The following PIP5K1B variants were observed in gnomAD, a reference collection of about 807,000 sequenced individuals.
PIP5K1B encodes the protein phosphatidylinositol-4-phosphate 5-kinase type 1 beta.
Under a neutral mutation model 67.0 loss-of-function variants are expected in PIP5K1B, and 42 were observed. That is an observed-to-expected ratio of 0.63 (90% CI 0.49 to 0.81). PIP5K1B has a LOEUF of 0.81. PIP5K1B is among the 30% of genes least tolerant of loss of function. The pLI, the probability that PIP5K1B is intolerant of heterozygous loss-of-function variation, is 0.00. For synonymous variants in PIP5K1B, 214 were observed against 231.4 expected (o/e 0.92, Z 0.68); for missense variants, 459 against 646.3 (o/e 0.71, Z 3.14).
intron 14 of PIP5K1B, among the ~76,000 whole-genome samples, chr9:68,944,910 G>A (rs528974105): frequency 2.8e-4 from 43 of 152,112 alleles, no homozygotes; most frequent in Non-Finnish European, 4.9e-4. Context: ...TGGTATATCC[G>A]AGCGTGTTAG....
chr9:68,718,524 G>A (rs1827734483), intron 1 of PIP5K1B, among the ~76,000 whole-genome samples: 1 of 152,182 alleles, frequency 6.6e-6, no homozygotes, highest in South Asian at 2.1e-4. Flanking sequence ...CAAAATTGAA[G>A]GGGCTCAAAA....
intron 2 of PIP5K1B, among the ~76,000 whole-genome samples, chr9:68,752,369 C>T (rs1023713866): frequency 2.0e-5 from 3 of 152,212 alleles, no homozygotes; most frequent in Admixed American, 1.3e-4. Flanking sequence ...AGTTAGGTCA[C>T]TTACATAGTT....
intron 2 of PIP5K1B, among the ~76,000 whole-genome samples, chr9:68,807,032 T>C (rs1310148373): frequency 6.6e-6 from 1 of 152,050 alleles, no homozygotes; most frequent in Non-Finnish European, 1.5e-5. Context: ...TGAATACTTG[T>C]TAGAGGCAAA....
At chr9:68,902,660 G>A (rs985372847) in intron 8 of PIP5K1B, among the ~76,000 whole-genome samples, 4 of 152,170 alleles carry the variant, frequency 2.6e-5, no homozygotes, top group Non-Finnish European at 4.4e-5. Context: ...TGGTAAGTGC[G>A]TGTTGAATTT....
chr9:68,841,321 A>G (rs1169055711), intron 4 of PIP5K1B, among the ~76,000 whole-genome samples: 1 of 152,228 alleles, frequency 6.6e-6, no homozygotes, highest in Non-Finnish European at 1.5e-5. Flanking sequence ...ACTGCTGGAG[A>G]CGATGTGGCC....
At chr9:68,985,964 A>G (rs1300433596) in intron 14 of PIP5K1B, among the ~76,000 whole-genome samples, 1 of 152,254 alleles carries the variant, frequency 6.6e-6, no homozygotes, top group Non-Finnish European at 1.5e-5. Context: ...TTATTACTGC[A>G]TAATATTCCA....
At chr9:68,795,846 G>T (rs550863604) in intron 2 of PIP5K1B, among the ~76,000 whole-genome samples, 5 of 152,206 alleles carry the variant, frequency 3.3e-5, no homozygotes. Flanking sequence ...AATCAACCTT[G>T]TTCTATAATT....
chr9:68,856,888 T>C (rs1025655096), intron 4 of PIP5K1B, among the ~76,000 whole-genome samples: 1 of 152,182 alleles, frequency 6.6e-6, no homozygotes, highest in African/African-American at 2.4e-5. Flanking sequence ...CCCTGGAACC[T>C]ATTAAGAAGA....
At chr9:68,894,232 A>C in intron 7 of PIP5K1B, 107 bp from the exon 8 acceptor site, 1 of 739,402 alleles carries the variant, frequency 1.4e-6, no homozygotes, top group Non-Finnish European at 2.2e-6. Context: ...AAAGATAATC[A>C]CATCCCATTT....
chr9:68,830,435 C>T (rs539644457), intron 4 of PIP5K1B, among the ~76,000 whole-genome samples: 185 of 16,898 alleles, frequency 0.011, no homozygotes, highest in African/African-American at 0.016. Flanking sequence ...AACAGCTGAG[C>T]GAGCCAACCC....
At chr9:68,902,334 T>C (rs1041411526) in intron 8 of PIP5K1B, among the ~76,000 whole-genome samples, 3 of 152,234 alleles carry the variant, frequency 2.0e-5, no homozygotes, top group Non-Finnish European at 4.4e-5. Flanking sequence ...ATTTTATCTT[T>C]TCGAGAATGC....
intron 14 of PIP5K1B, among the ~76,000 whole-genome samples, chr9:68,964,452 C>T (rs1828916894): frequency 6.6e-6 from 1 of 152,232 alleles, no homozygotes; most frequent in Non-Finnish European, 1.5e-5. Context: ...TGGCATCTCA[C>T]TTCTGTGGTT....
chr9:68,902,185 A>T (rs188002603), intron 8 of PIP5K1B, among the ~76,000 whole-genome samples: 1 of 152,330 alleles, frequency 6.6e-6, no homozygotes, highest in East Asian at 1.9e-4. Context: ...ATAGATTTAT[A>T]TAACCACCAC....
At chr9:68,742,245 T>G (rs1020396021) in intron 1 of PIP5K1B, 1 of 152,208 alleles carries the variant, frequency 6.6e-6, no homozygotes, top group Non-Finnish European at 1.5e-5. Context: ...TAGCACTGTT[T>G]CCATGGGAAA....
chr9:68,861,905 T>TC, intron 4 of PIP5K1B, among the ~76,000 whole-genome samples: 1 of 151,498 alleles, frequency 6.6e-6, no homozygotes, highest in African/African-American at 2.4e-5. Context: ...GTTTTTTGTT[T>TC]TTTTTTTTTA....
rs185293723 is a variant in PIP5K1B, at chr9:68,975,205, A to G, written c.1503-15935A>G. Among the ~76,000 whole-genome samples, 28 of 152,234 alleles carry G rather than the reference A, an allele frequency of 1.8e-4. No individual in the cohort carries two copies. The East Asian group carries it at 5.4e-3, about 29-fold the overall frequency. On this transcript the variant is annotated intron_variant, in intron 14 of 15. Transcript: ENST00000265382. ...CACCCCAGCCTCCCAAGTGGCTGGG[A>G]CTATAGGTGTGTGCCAGCATGCCCA...
chr9:68,896,001 A>AT (rs546877181), intron 8 of PIP5K1B, among the ~76,000 whole-genome samples: 3 of 151,554 alleles, frequency 2.0e-5, no homozygotes, highest in East Asian at 3.9e-4. Flanking sequence ...CACTCTGAGG[A>AT]TTTTTTTTTA....
chr9:68,941,564 C>T (rs2132641580), intron 14 of PIP5K1B, among the ~76,000 whole-genome samples: 1 of 152,158 alleles, frequency 6.6e-6, no homozygotes, highest in East Asian at 1.9e-4. Context: ...TTTATAAGTT[C>T]TATGAAGTGT....
At chr9:68,970,083 C>T (rs1015296166) in intron 14 of PIP5K1B, among the ~76,000 whole-genome samples, 3 of 152,146 alleles carry the variant, frequency 2.0e-5, no homozygotes, top group African/African-American at 4.8e-5. Context: ...ACTTACTTAA[C>T]ATCACACAGA....
Sources: allele counts gnomAD v4.1 joint callset (sites outside exome capture counted in the v4.1 genomes callset), GRCh38; gene constraint gnomAD v4.1.1; transcripts MANE v1.5; gene names NCBI Gene and HGNC (gene_info 2026-07-23, HGNC 2026-07-21).